NRXN1: variants seen among roughly 807,000 people sequenced by gnomAD.
The protein encoded by NRXN1 is neurexin-1.
Under a neutral mutation model 150.9 loss-of-function variants are expected in NRXN1, and 39 were observed. The observed-to-expected ratio is 0.26, with a 90% CI of 0.20 to 0.34. The LOEUF (loss-of-function observed/expected upper bound fraction) is 0.34. Among genes scored for constraint, NRXN1 ranks in the 10% least tolerant of loss-of-function variants. The pLI, the probability that NRXN1 is intolerant of heterozygous loss-of-function variation, is 1.00. For missense variants in NRXN1, 1,815 were observed against 1,949.9 expected, an observed-to-expected ratio of 0.93 and a Z score of 1.30; for synonymous variants, 924 against 757.0, an observed-to-expected ratio of 1.22 and a Z score of -3.62.
Position 49,921,453 on chromosome 2 carries a change from G to A in NRXN1, c.*491C>T, listed in dbSNP as rs1453784422. On this transcript the variant is annotated 3_prime_UTR_variant, in exon 23 of 23. Coordinates refer to ENST00000401669, the MANE Select transcript of NRXN1 (RefSeq NM_001330078.2). ...ACCACTGCTCCAGTTGCACCAGGCGGCAAACTCTTAAAGGTTTGCAGGTTG... is the reference window on the plus strand; with the variant it reads ...ACCACTGCTCCAGTTGCACCAGGCGACAAACTCTTAAAGGTTTGCAGGTTG... The A allele has an allele frequency of 3.3e-5, 5 of 153,264 alleles. No homozygotes were observed. The highest frequency in any genetic ancestry group is 7.2e-5 in the African/African-American group (3 of 41,444). 9.5% of individuals were successfully genotyped at this position (153,264 alleles called of 1,614,324 possible). A position where few individuals can be genotyped will look rare whatever the true frequency, so the allele number is the denominator to read the frequency against.
At chr2:50,657,344 T>C (rs887815500) in intron 5 of NRXN1, among the ~76,000 whole-genome samples, 1 of 152,082 alleles carries the variant, frequency 6.6e-6, no homozygotes, top group African/African-American at 2.4e-5. Flanking sequence ...TTTGGTCCAC[T>C]ACCACCTACA....
intron 5 of NRXN1, among the ~76,000 whole-genome samples, chr2:50,888,899 T>C (rs957662687): frequency 1.3e-5 from 2 of 151,688 alleles, no homozygotes; most frequent in Non-Finnish European, 3.0e-5. Context: ...TGTTCAAAGA[T>C]TTTGCTTTCC....
chr2:50,633,649 C>T (rs927392143), intron 5 of NRXN1, among the ~76,000 whole-genome samples: 4 of 151,714 alleles, frequency 2.6e-5, no homozygotes, highest in African/African-American at 9.7e-5. Context: ...AGTAGGAGCA[C>T]AAGAGAAGGA....
chr2:50,250,113 T>C (rs77277891), intron 17 of NRXN1, among the ~76,000 whole-genome samples: 2,698 of 152,270 alleles, frequency 0.018, 69 homozygotes, highest in African/African-American at 0.062. Flanking sequence ...ATCAGTTTAT[T>C]TTTTGAAATA....
chr2:50,576,968 A>C (rs1370795451), intron 8 of NRXN1, among the ~76,000 whole-genome samples: 2 of 152,068 alleles, frequency 1.3e-5, no homozygotes, highest in East Asian at 3.9e-4. Context: ...ATCTTTTCTG[A>C]CATTTTAATG....
intron 5 of NRXN1, among the ~76,000 whole-genome samples, chr2:50,721,627 A>T (rs947744634): frequency 1.8e-4 from 27 of 152,284 alleles, no homozygotes; most frequent in African/African-American, 6.5e-4. Flanking sequence ...ATGAGTCCTA[A>T]GTGTCAAGGG....
At chr2:50,948,459 T>C (rs1297852517) in intron 2 of NRXN1, among the ~76,000 whole-genome samples, 1 of 152,048 alleles carries the variant, frequency 6.6e-6, no homozygotes, top group Non-Finnish European at 1.5e-5. Flanking sequence ...GCAAGGAAAG[T>C]ACAATTGAAT....
chr2:50,981,457 C>CTA (rs1696790692), intron 2 of NRXN1, among the ~76,000 whole-genome samples: 1 of 23,272 alleles, frequency 4.3e-5, no homozygotes, highest in African/African-American at 1.8e-4. Flanking sequence ...AACTCTATCT[C>CTA]AAAAAAAAAA....
intron 8 of NRXN1, among the ~76,000 whole-genome samples, chr2:50,557,181 A>G (rs1668381793): frequency 6.6e-6 from 1 of 152,198 alleles, no homozygotes; most frequent in Admixed American, 6.5e-5. Flanking sequence ...CTCTTTCAAC[A>G]GAGCGGGAGT....
chr2:50,030,666 G>A (rs1689051503), intron 21 of NRXN1, among the ~76,000 whole-genome samples: 1 of 151,944 alleles, frequency 6.6e-6, no homozygotes, highest in African/African-American at 2.4e-5. Flanking sequence ...TCTTTACTTT[G>A]ACAGGAAACA....
chr2:50,820,381 T>G (rs1299521824), intron 5 of NRXN1, among the ~76,000 whole-genome samples: 1 of 152,130 alleles, frequency 6.6e-6, no homozygotes, highest in Non-Finnish European at 1.5e-5. Flanking sequence ...TTGAACTAAT[T>G]TAACTCACAT....
chr2:49,929,581 CATA>C, intron 22 of NRXN1, among the ~76,000 whole-genome samples: 1 of 152,198 alleles, frequency 6.6e-6, no homozygotes, highest in East Asian at 1.9e-4. Flanking sequence ...AAGTTAGAGC[CATA>C]ATATTATTGC....
intron 5 of NRXN1, among the ~76,000 whole-genome samples, chr2:50,812,811 AG>A (rs1668412356): frequency 6.6e-6 from 1 of 151,330 alleles, no homozygotes; most frequent in Non-Finnish European, 1.5e-5. Context: ...AAAAAAAAAA[AG>A]AAAAGGAAAA....
chr2:50,706,163 A>T (rs1019177181), intron 5 of NRXN1, among the ~76,000 whole-genome samples: 12 of 152,124 alleles, frequency 7.9e-5, no homozygotes, highest in African/African-American at 1.7e-4. Flanking sequence ...TACAAAAACT[A>T]TGGTTACTGC....
At chr2:50,878,937 GT>G (rs1367825932) in intron 5 of NRXN1, among the ~76,000 whole-genome samples, 1 of 151,800 alleles carries the variant, frequency 6.6e-6, no homozygotes, top group South Asian at 2.1e-4. Flanking sequence ...GTAAAGATTT[GT>G]TTTTTGTTTT....
chr2:50,275,775 A>T (rs1191890070), intron 17 of NRXN1, among the ~76,000 whole-genome samples: 1 of 152,072 alleles, frequency 6.6e-6, no homozygotes, highest in African/African-American at 2.4e-5. Context: ...AGCTCCTTCA[A>T]ATTTAAAAGA....
chr2:50,415,832 T>TAAA (rs148020644), intron 17 of NRXN1, among the ~76,000 whole-genome samples: 48 of 147,504 alleles, frequency 3.3e-4, no homozygotes, highest in African/African-American at 1.1e-3. Context: ...TAAATTACAT[T>TAAA]AAAAAAAAAC....
chr2:50,954,615 T>C (rs781277993), intron 2 of NRXN1, among the ~76,000 whole-genome samples: 3 of 152,094 alleles, frequency 2.0e-5, no homozygotes, highest in Non-Finnish European at 4.4e-5. Flanking sequence ...TGGTACGCAG[T>C]AGGCACAGTT....
intron 5 of NRXN1, among the ~76,000 whole-genome samples, chr2:50,798,650 T>C (rs1314108811): frequency 3.3e-5 from 5 of 152,196 alleles, no homozygotes; most frequent in South Asian, 2.1e-4. Context: ...CTGATTGATA[T>C]TTCTGTACAA....
Sources: allele counts gnomAD v4.1 joint callset (sites outside exome capture counted in the v4.1 genomes callset), GRCh38; gene constraint gnomAD v4.1.1; transcripts MANE v1.5; gene names NCBI Gene and HGNC (gene_info 2026-07-23, HGNC 2026-07-21).